Variants in BCL9L observed in about 807,000 individuals in gnomAD.
BCL9L encodes B-cell CLL/lymphoma 9-like protein.
In BCL9L, 19 loss-of-function variants were observed where a neutral mutation model predicts 99.4. That is an observed-to-expected ratio of 0.19 (90% CI 0.13 to 0.28). BCL9L has a LOEUF of 0.28. Ranked by LOEUF, BCL9L falls within the 10% of genes least tolerant of loss-of-function variation. The probability of loss-of-function intolerance (pLI) is 1.00; values close to 1 mark genes in which losing one functional copy is unlikely to be tolerated. For synonymous variants in BCL9L, 900 were observed against 854.8 expected (o/e 1.05, Z -0.92); for missense variants, 2,023 against 2,101.6 (o/e 0.96, Z 0.73).
In BCL9L at chr11:118,922,249, C is replaced by T. The variant is rs1056843471; in HGVS notation, c.-131+2989G>A. Among the ~76,000 whole-genome samples, 2 of 152,212 alleles carry T rather than the reference C, an allele frequency of 1.3e-5. No homozygotes were observed. The highest frequency in any genetic ancestry group is 2.9e-5 in the Non-Finnish European group (2 of 68,018). The stretch of plus-strand genomic sequence containing the variant: ...AATTCCAGGCTGTAAGTCCAGGCAG[C>T]CTTCAGGGCCGCCGAGCCAAGTGAC... On this transcript the variant is annotated intron_variant, in intron 1 of 9. Coordinates refer to ENST00000683865, the MANE Select transcript of BCL9L (RefSeq NM_001378213.1). The surrounding 1 kb of genome is among the most constrained non-coding windows in gnomAD (Gnocchi z 6.2).
chr11:118,903,567 G>A lies in BCL9L; in HGVS notation c.533-115C>T. 8.7e-7 allele frequency: 1 copy of A among 1,148,770 alleles called. No homozygotes were observed. Among genetic ancestry groups the A allele is most frequent in the Non-Finnish European group, 1.3e-6 (1 of 784,882 alleles). 71.2% of individuals were successfully genotyped at this position (1,148,770 alleles called of 1,614,324 possible). On this transcript the variant is annotated intron_variant, in intron 5 of 9. Coordinates refer to ENST00000683865, the MANE Select transcript of BCL9L (RefSeq NM_001378213.1). The surrounding 1 kb of genome is among the most constrained non-coding windows in gnomAD (Gnocchi z 5.6). ...ACAGCTCGTGCCCACAGGGACATTTGATGTCAGTATCTGGTGTTCTCACCA... is the reference window on the plus strand; with the variant it reads ...ACAGCTCGTGCCCACAGGGACATTTAATGTCAGTATCTGGTGTTCTCACCA...
intron 2 of BCL9L, among the ~76,000 whole-genome samples, chr11:118,913,178 A>G (rs892477491): frequency 6.6e-6 from 1 of 152,038 alleles, no homozygotes; most frequent in Non-Finnish European, 1.5e-5. Context: ...CTCTGTGCCA[A>G]AGGAGACCAT....
Position 118,900,497 on chromosome 11 carries a change from A to T in BCL9L, c.3124+122T>A. 1 of 1,448,056 alleles carries T rather than the reference A, an allele frequency of 6.9e-7. No individual in the cohort carries two copies. Among genetic ancestry groups the T allele is most frequent in the Non-Finnish European group, 9.1e-7 (1 of 1,102,574 alleles). 89.7% of individuals were successfully genotyped at this position (1,448,056 alleles called of 1,614,324 possible). The stretch of plus-strand genomic sequence containing the variant: ...ATGTCATCATCTGCCCCATAAGCAG[A>T]GCCATCCACCTCTGGGCCCGTGGTA... On this transcript the variant is annotated intron_variant, in intron 8 of 9. Transcript: ENST00000683865. This position sits in a 1 kb window ranked among gnomAD's most constrained non-coding sequence, Gnocchi z 5.3.
chr11:118,913,616 C>A (rs1425831735), intron 2 of BCL9L, among the ~76,000 whole-genome samples: 1 of 152,158 alleles, frequency 6.6e-6, no homozygotes, highest in Admixed American at 6.5e-5. Flanking sequence ...GCAGGAAGCC[C>A]AGGCAGGCGG....
At position 118,898,170 on chromosome 11, in the gene BCL9L, G is replaced by A. The variant is rs1282327558; in HGVS notation, c.*245C>T. On this transcript the variant is annotated 3_prime_UTR_variant, in exon 10 of 10. Coordinates refer to ENST00000683865, the MANE Select transcript of BCL9L (RefSeq NM_001378213.1). ...GGCTCCATAGGAATTGGGAGGAGTG[G>A]GGGAGGGGCAGTCCTGGTGGCCGAA... The A allele has an allele frequency of 1.7e-6, 1 of 594,460 alleles. No homozygotes were observed. Among genetic ancestry groups the A allele is most frequent in the African/African-American group, 1.9e-5 (1 of 53,606 alleles). 36.8% of individuals were successfully genotyped at this position (594,460 alleles called of 1,614,324 possible).
intron 1 of BCL9L, among the ~76,000 whole-genome samples, chr11:118,919,646 G>C (rs577378869): frequency 3.9e-5 from 6 of 152,140 alleles, no homozygotes; most frequent in East Asian, 3.9e-4. Context: ...TGCACTGGGC[G>C]GGGGGTGTCC....
chr11:118,919,314 C>G (rs1941078169), intron 1 of BCL9L, among the ~76,000 whole-genome samples: 1 of 151,600 alleles, frequency 6.6e-6, no homozygotes, highest in South Asian at 2.1e-4. Context: ...GATTCTAGCA[C>G]CAGCCACCTC....
At chr11:118,912,168 T>C (rs538352101) in intron 2 of BCL9L, among the ~76,000 whole-genome samples, 1 of 152,160 alleles carries the variant, frequency 6.6e-6, no homozygotes, top group Non-Finnish European at 1.5e-5. Flanking sequence ...ACTCACAGTC[T>C]CCGAAGACAC....
At chr11:118,913,720 GC>G (rs996324636) in intron 2 of BCL9L, among the ~76,000 whole-genome samples, 1 of 150,006 alleles carries the variant, frequency 6.7e-6, no homozygotes, top group African/African-American at 2.4e-5. Flanking sequence ...AGAGAGGAGT[GC>G]CAAAAGCTTG....
intron 1 of BCL9L, among the ~76,000 whole-genome samples, chr11:118,920,964 C>T: frequency 6.6e-6 from 1 of 152,132 alleles, no homozygotes; most frequent in East Asian, 1.9e-4. Flanking sequence ...AGAAGTGAAG[C>T]GCATGTGTGT....
At position 118,907,478 on chromosome 11, in the gene BCL9L, C is replaced by T; in HGVS notation, c.532+5G>A. The T allele has an allele frequency of 6.2e-7, 1 of 1,614,206 alleles. No homozygotes were observed. The highest frequency in any genetic ancestry group is 1.7e-5 in the Admixed American group (1 of 60,038). On this transcript the variant is annotated splice_donor_5th_base_variant and intron_variant, in intron 5 of 9. Coordinates refer to ENST00000683865, the MANE Select transcript of BCL9L (RefSeq NM_001378213.1). Reference sequence around the variant, plus strand: ...TACAGCACCCTGGCATCGACAGGCACTCACTGTGGGTGGCCCCAATGGGCT... The same window carrying T: ...TACAGCACCCTGGCATCGACAGGCATTCACTGTGGGTGGCCCCAATGGGCT...
chr11:118,911,346 G>A, intron 2 of BCL9L: 1 of 441,450 alleles, frequency 2.3e-6, no homozygotes, highest in East Asian at 7.2e-5. Flanking sequence ...GCGGGGACCT[G>A]GGGGTGAGGG....
intron 2 of BCL9L, among the ~76,000 whole-genome samples, 167 bp downstream of exon 2, chr11:118,918,659 C>T (rs559124852): frequency 2.5e-4 from 38 of 151,892 alleles, no homozygotes; most frequent in Admixed American, 5.9e-4. Flanking sequence ...GGAGACCTCC[C>T]TCCTCTGGAG....
chr11:118,908,410 T>C lies in BCL9L; in HGVS notation c.272A>G (p.Asn91Ser). 1.2e-6 allele frequency: 2 copies of C among 1,613,996 alleles called. No homozygotes were observed. Among genetic ancestry groups the C allele is most frequent in the South Asian group, 1.1e-5 (1 of 91,076 alleles). Reference protein sequence around the residue: ...GAKANQISPSNSSLKNPQAGV... With the variant: ...GAKANQISPSSSSLKNPQAGV... ...TGCCTGGGGGTTCTTCAGACTTGAG[T>C]TGCTAGGCGAGATCTGGTTGGCCTT... The change falls in exon 4 of 10, where the codon AAC becomes AGC. Residue 91 changes from asparagine (N) to serine (S), a missense_variant. By Grantham distance (46) the Asn-to-Ser change is conservative. Coordinates refer to ENST00000683865, the MANE Select transcript of BCL9L (RefSeq NM_001378213.1).
In BCL9L at chr11:118,914,613, A is replaced by AT. The variant is rs61614864; in HGVS notation, c.-77+4212_-77+4213insA. Among the ~76,000 whole-genome samples, 152,283 of 152,284 alleles carry AT rather than the reference A, an allele frequency of 1. 76,141 individuals carry two copies. The highest frequency in any genetic ancestry group is 1 in the Middle Eastern group (294 of 294). ...TGATGAGACAGGATGTATGCCTGTG[A>AT]CCTCTGCAGGGAGACAGAAGGCCAC... On this transcript the variant is annotated intron_variant, in intron 2 of 9. Coordinates refer to ENST00000683865, the MANE Select transcript of BCL9L (RefSeq NM_001378213.1). The surrounding 1 kb of genome is among the most constrained non-coding windows in gnomAD (Gnocchi z 4.4).
chr11:118,901,387 C>A lies in BCL9L; in HGVS notation c.2356G>T (p.Val786Leu). 1 of 1,613,914 alleles carries A rather than the reference C, an allele frequency of 6.2e-7. No individual in the cohort carries two copies. Among genetic ancestry groups the A allele is most frequent in the South Asian group, 1.1e-5 (1 of 91,072 alleles). ...VNMNMNMNLN[V>L]QMTPQQQMLM... ...ATCTGCTGCTGCGGGGTCATCTGCA[C>A]GTTCAGGTTCATGTTCATGTTCATG... The change falls in exon 8 of 10, where the codon GTG (valine) becomes TTG (leucine). Residue 786 changes from valine to leucine, a missense_variant. This residue lies in a region of BCL9L where 1,116 missense variants were observed against 1,194.6 expected (regional missense o/e 0.93). Transcript: ENST00000683865. This position sits in a 1 kb window ranked among gnomAD's most constrained non-coding sequence, Gnocchi z 6.6.
chr11:118,908,724 A>C (rs1591990629), intron 3 of BCL9L, 69 bp from the exon 4 acceptor site: 25 of 1,361,690 alleles, frequency 1.8e-5, no homozygotes, highest in South Asian at 2.7e-5. Context: ...CAACTTAATT[A>C]CCCCATCCTG....
At chr11:118,899,801 A>G in intron 9 of BCL9L, 116 bp downstream of exon 9, 2 of 1,385,112 alleles carry the variant, frequency 1.4e-6, no homozygotes, top group South Asian at 1.4e-5. Flanking sequence ...CGGAGCCTCC[A>G]CCCCCACACC....
chr11:118,909,520 G>C (rs888934129), intron 3 of BCL9L, among the ~76,000 whole-genome samples: 29 of 152,224 alleles, frequency 1.9e-4, no homozygotes, highest in Admixed American at 5.9e-4. Context: ...CTCCGGGGAG[G>C]GGGGAGGGAG....
Sources: allele counts gnomAD v4.1 joint callset (sites outside exome capture counted in the v4.1 genomes callset), GRCh38; gene constraint gnomAD v4.1.1; regional missense constraint gnomAD v4.1.1; non-coding constraint Gnocchi (gnomAD v3.1); transcripts MANE v1.5; gene names NCBI Gene and HGNC (gene_info 2026-07-23, HGNC 2026-07-21).